MED13L: variants seen among roughly 807,000 people sequenced by gnomAD.
The protein encoded by MED13L is mediator of RNA polymerase II transcription subunit 13-like.
Under a neutral mutation model 220.9 loss-of-function variants are expected in MED13L, and 7 were observed. The ratio of observed to expected loss-of-function variants is 0.03; its 90% CI spans 0.02 to 0.06. The LOEUF (loss-of-function observed/expected upper bound fraction) is 0.06. MED13L is among the 10% of genes least tolerant of loss of function. MED13L has a pLI of 1.00. For missense variants in MED13L, 1,965 were observed against 2,760.5 expected (o/e 0.71, Z 6.46); for synonymous variants, 1,011 against 1,015.2 (o/e 1.00, Z 0.08).
At chr12:116,158,089 T>C (rs1878581278) in intron 2 of MED13L, among the ~76,000 whole-genome samples, 1 of 150,272 alleles carries the variant, frequency 6.7e-6, no homozygotes, top group South Asian at 2.1e-4. Context: ...GGATGCAAGC[T>C]GCAAGGATCC....
At position 115,991,147 on chromosome 12, in the gene MED13L, A is replaced by G. The variant is rs2137305077; in HGVS notation, c.3807T>C (p.Asn1269=). ...CATTAAAGCATTCCGTCCAGTAATC[A>G]TTATTATCTGCTTGCACCCGGTCAT... ...WSYDRVQADN[N]DYWTECFNAL... Residue 1269 remains asparagine, a synonymous_variant, in exon 17 of 31, where the codon AAT becomes AAC. Coordinates refer to ENST00000281928, the MANE Select transcript of MED13L (RefSeq NM_015335.5). This position sits in a 1 kb window ranked among gnomAD's most constrained non-coding sequence, Gnocchi z 7.7. The G allele has an allele frequency of 6.2e-7, 1 of 1,614,168 alleles. No homozygotes were observed. Among genetic ancestry groups the G allele is most frequent in the Non-Finnish European group, 8.5e-7 (1 of 1,180,032 alleles).
chr12:116,145,622 G>A (rs1877424258), intron 2 of MED13L, among the ~76,000 whole-genome samples: 1 of 151,796 alleles, frequency 6.6e-6, no homozygotes, highest in South Asian at 2.1e-4. Flanking sequence ...CAGCCTCCAA[G>A]GAGCTAGGAC....
Position 116,012,981 on chromosome 12 carries a change from C to T in MED13L, c.1176-80G>A. 4.1e-6 allele frequency: 4 copies of T among 984,550 alleles called. No homozygotes were observed. In the South Asian group the frequency reaches 5.3e-5, roughly 13 times the overall value. The allele number at this position is 984,550 out of a possible 1,614,324, so 61.0% of individuals were successfully genotyped here. A position where few individuals can be genotyped will look rare whatever the true frequency, so the allele number is the denominator to read the frequency against. On this transcript the variant is annotated intron_variant, in intron 8 of 30. Coordinates refer to ENST00000281928, the MANE Select transcript of MED13L (RefSeq NM_015335.5). The stretch of plus-strand genomic sequence containing the variant: ...GAGAAAAATGTTCAAGAGTTGAATA[C>T]ATTTCATTCACATAGTAATGGTATC...
At chr12:116,264,163 C>A (rs1872678342) in intron 1 of MED13L, among the ~76,000 whole-genome samples, 1 of 152,172 alleles carries the variant, frequency 6.6e-6, no homozygotes, top group African/African-American at 2.4e-5. Context: ...AAGACACTGA[C>A]TAAAGAGGCA....
At position 116,163,719 on chromosome 12, in the gene MED13L, T is replaced by C. The variant is rs191614991; in HGVS notation, c.311-52207A>G. ...AAATTCATAGTAAAGCCCTTCTAAA[T>C]AGAGAAGTACACATATCATACATAA... On this transcript the variant is annotated intron_variant, in intron 2 of 30. Coordinates refer to ENST00000281928, the MANE Select transcript of MED13L (RefSeq NM_015335.5). 5.8e-3 allele frequency among the ~76,000 whole-genome samples: 884 copies of C among 152,312 alleles called. 2 individuals are homozygous for C. Among genetic ancestry groups the C allele is most frequent in the Non-Finnish European group, 0.01 (703 of 68,024 alleles).
intron 2 of MED13L, chr12:116,236,929 C>G (rs1436607936): frequency 1.1e-6 from 1 of 947,758 alleles, no homozygotes; most frequent in Admixed American, 6.2e-5. Context: ...GAAATAAAAG[C>G]AAAAGAAAAT....
At chr12:116,099,975 A>G (rs1433747866) in intron 3 of MED13L, among the ~76,000 whole-genome samples, 2 of 152,192 alleles carry the variant, frequency 1.3e-5, no homozygotes, top group African/African-American at 2.4e-5. Flanking sequence ...AATAACTTAG[A>G]TGATTTTTCA....
chr12:116,169,535 T>C (rs1037848985), intron 2 of MED13L, among the ~76,000 whole-genome samples: 43 of 152,336 alleles, frequency 2.8e-4, no homozygotes, highest in Middle Eastern at 3.4e-3. Flanking sequence ...ATGTTCAATA[T>C]ATAACAATAC....
At chr12:116,276,109 T>A (rs1873792342) in intron 1 of MED13L, among the ~76,000 whole-genome samples, 1 of 152,184 alleles carries the variant, frequency 6.6e-6, no homozygotes, top group Non-Finnish European at 1.5e-5. Flanking sequence ...TGGAGCCCTA[T>A]ACATTTTTAA....
At chr12:115,997,949 TG>T (rs1420574310) in intron 14 of MED13L, among the ~76,000 whole-genome samples, 2 of 152,216 alleles carry the variant, frequency 1.3e-5, no homozygotes, top group African/African-American at 4.8e-5. Flanking sequence ...AAAAATTGTT[TG>T]GAGCTGATTA....
intron 3 of MED13L, among the ~76,000 whole-genome samples, chr12:116,105,163 A>G (rs1196966236): frequency 6.6e-6 from 1 of 152,220 alleles, no homozygotes; most frequent in Non-Finnish European, 1.5e-5. Context: ...GTCTATTGAT[A>G]GCCAAAGTAC....
At chr12:116,051,262 C>G (rs756488451) in intron 4 of MED13L, among the ~76,000 whole-genome samples, 1 of 151,330 alleles carries the variant, frequency 6.6e-6, no homozygotes, top group Non-Finnish European at 1.5e-5. Flanking sequence ...GAGATCCCAC[C>G]ACTGCACTCC....
intron 4 of MED13L, among the ~76,000 whole-genome samples, chr12:116,054,704 C>T (rs1264898090): frequency 1.3e-5 from 2 of 152,196 alleles, no homozygotes; most frequent in African/African-American, 2.4e-5. Flanking sequence ...AAAGAAAAGA[C>T]AATTCCAAGT....
chr12:116,052,788 C>T (rs928629733), intron 4 of MED13L, among the ~76,000 whole-genome samples: 2 of 152,152 alleles, frequency 1.3e-5, no homozygotes, highest in African/African-American at 4.8e-5. Flanking sequence ...GAACAGGGTG[C>T]TGGGTGCCTA....
rs1878852007 is a variant in MED13L at position 116,003,183 on chromosome 12, A to G, written c.2470-81T>C. 1.0e-5 allele frequency: 12 copies of G among 1,204,244 alleles called. No individual in the cohort carries two copies. In the Admixed American group the frequency reaches 2.1e-4, roughly 21 times the overall value. The allele number at this position is 1,204,244 out of a possible 1,614,324, so 74.6% of individuals were successfully genotyped here. A position where few individuals can be genotyped will look rare whatever the true frequency, so the allele number is the denominator to read the frequency against. The stretch of plus-strand genomic sequence containing the variant: ...TTCAAATATTTCCTAATGTATGCCT[A>G]TTGGTAGATGCCTCTTGGTAGAAGC... On this transcript the variant is annotated intron_variant, in intron 13 of 30. Transcript: ENST00000281928.
intron 4 of MED13L, among the ~76,000 whole-genome samples, chr12:116,095,505 A>G (rs900417008): frequency 2.0e-5 from 3 of 152,212 alleles, no homozygotes; most frequent in Admixed American, 6.5e-5. Flanking sequence ...TTGAGTGAGA[A>G]GACTACTAAT....
At chr12:116,264,554 T>G (rs1007939013) in intron 1 of MED13L, among the ~76,000 whole-genome samples, 14 of 152,210 alleles carry the variant, frequency 9.2e-5, no homozygotes, top group Non-Finnish European at 2.1e-4. Flanking sequence ...AGATTGAGAT[T>G]GTTTCCCACT....
At chr12:116,091,120 C>CAAAAA (rs5801163) in intron 4 of MED13L, among the ~76,000 whole-genome samples, 3 of 87,390 alleles carry the variant, frequency 3.4e-5, no homozygotes, top group East Asian at 3.3e-4. Flanking sequence ...AACTCTGTCT[C>CAAAAA]AAAAAAAAAA....
chr12:116,083,758 CCT>C (rs1273580391), intron 4 of MED13L, among the ~76,000 whole-genome samples: 1 of 152,090 alleles, frequency 6.6e-6, no homozygotes, highest in Non-Finnish European at 1.5e-5. Context: ...AAAACTGGCC[CCT>C]GTTCCTCTGC....
Sources: gnomAD v4.1 joint callset for allele counts (sites outside exome capture counted in the v4.1 genomes callset) on GRCh38, gnomAD v4.1.1 for gene constraint, Gnocchi (gnomAD v3.1) non-coding constraint, MANE v1.5 for transcripts, NCBI Gene and HGNC (gene_info 2026-07-23, HGNC 2026-07-21) for gene names.